Variants in ERC1 observed in about 807,000 individuals in gnomAD.
ERC1 encodes RAB6 interacting protein 2.
In ERC1, 56 loss-of-function variants were observed where a neutral mutation model predicts 132.0. That is an observed-to-expected ratio of 0.42 (90% CI 0.34 to 0.53). The LOEUF (loss-of-function observed/expected upper bound fraction) is 0.53, where lower values mean the gene tolerates loss of function less well. ERC1 is among the 20% of genes least tolerant of loss of function. The probability of loss-of-function intolerance (pLI) is 0.03; values close to 1 mark genes in which losing one functional copy is unlikely to be tolerated. For missense variants in ERC1, 1,202 were observed against 1,349.9 expected, an observed-to-expected ratio of 0.89 and a Z score of 1.72; for synonymous variants, 478 against 476.1, an observed-to-expected ratio of 1.00 and a Z score of -0.05.
At chr12:1,032,417 G>T (rs1968220309) in intron 2 of ERC1, among the ~76,000 whole-genome samples, 1 of 152,068 alleles carries the variant, frequency 6.6e-6, no homozygotes, top group Non-Finnish European at 1.5e-5. Context: ...TGGCACTTTT[G>T]AGCTCAACCA....
rs951135969 is a variant in ERC1 at position 1,027,782 on chromosome 12, C to T, written c.-122C>T. ...AAGATACTTCTTCAAGATTGGACAGCTGGGGACCTTCTTCTGATTAACCTT... is the reference window on the plus strand; with the variant it reads ...AAGATACTTCTTCAAGATTGGACAGTTGGGGACCTTCTTCTGATTAACCTT... On this transcript the variant is annotated 5_prime_UTR_variant, in exon 2 of 19. Coordinates refer to ENST00000360905, the MANE Select transcript of ERC1 (RefSeq NM_178040.4). 2 of 739,158 alleles carry T rather than the reference C, an allele frequency of 2.7e-6. No homozygotes were observed. Among genetic ancestry groups the T allele is most frequent in the African/African-American group, 1.7e-5 (1 of 57,150 alleles). 45.8% of individuals were successfully genotyped at this position (739,158 alleles called of 1,614,324 possible). A position where few individuals can be genotyped will look rare whatever the true frequency, so the allele number is the denominator to read the frequency against.
chr12:1,287,732 T>C (rs1240495583), intron 14 of ERC1, among the ~76,000 whole-genome samples: 1 of 152,180 alleles, frequency 6.6e-6, no homozygotes, highest in East Asian at 1.9e-4. Context: ...TTTTCAAGCC[T>C]TTGGATTTGG....
intron 12 of ERC1, among the ~76,000 whole-genome samples, chr12:1,236,195 G>A (rs138672920): frequency 2.0e-5 from 3 of 152,108 alleles, no homozygotes; most frequent in African/African-American, 7.2e-5. Flanking sequence ...TGAGATATAG[G>A]TTGTTCTTAT....
intron 15 of ERC1, among the ~76,000 whole-genome samples, chr12:1,355,026 G>C (rs939197792): frequency 6.6e-6 from 1 of 152,178 alleles, no homozygotes; most frequent in African/African-American, 2.4e-5. Context: ...AAAGAGAGAA[G>C]GTGGGGTTCC....
At chr12:1,232,860 T>C (rs2075146082) in intron 12 of ERC1, among the ~76,000 whole-genome samples, 1 of 151,972 alleles carries the variant, frequency 6.6e-6, no homozygotes, top group South Asian at 2.1e-4. Flanking sequence ...ACTTCGGTGA[T>C]GTGTTATATA....
At chr12:1,415,330 C>G (rs899240338) in intron 17 of ERC1, among the ~76,000 whole-genome samples, 3 of 152,158 alleles carry the variant, frequency 2.0e-5, no homozygotes, top group Admixed American at 6.5e-5. Context: ...TAAGAACATG[C>G]CACTTACTAC....
At chr12:1,418,604 TTTCTTTCTTTC>T (rs2092254341) in intron 17 of ERC1, among the ~76,000 whole-genome samples, 1 of 57,128 alleles carries the variant, frequency 1.8e-5, no homozygotes, top group Non-Finnish European at 3.7e-5. Flanking sequence ...TCTTTCTTTC[TTTCTTTCTTTC>T]TTTCTTTCTT....
intron 13 of ERC1, among the ~76,000 whole-genome samples, chr12:1,243,282 G>A (rs1428641059): frequency 6.6e-6 from 1 of 152,028 alleles, no homozygotes; most frequent in Non-Finnish European, 1.5e-5. Context: ...AAATACGACA[G>A]CATTTTATAT....
Position 1,189,956 on chromosome 12 carries a change from G to C in ERC1, c.2255G>C (p.Ser752Thr). The C allele has an allele frequency of 6.2e-7, 1 of 1,614,096 alleles. No homozygotes were observed. Among genetic ancestry groups the C allele is most frequent in the South Asian group, 1.1e-5 (1 of 91,072 alleles). ...REITRYKDES[S>T]KAQAEVDRLL... ...ATCACCAGGTACAAAGATGAATCTA[G>C]CAAGGCCCAGGCAGAAGTTGATCGA... The change falls in exon 12 of 19, where the codon AGC (serine) becomes ACC (threonine). Residue 752 changes from serine (S) to threonine (T), a missense_variant. Transcript: ENST00000360905.
intron 15 of ERC1, among the ~76,000 whole-genome samples, chr12:1,319,479 A>C (rs777953361): frequency 3.3e-5 from 5 of 152,154 alleles, no homozygotes; most frequent in Non-Finnish European, 1.5e-5. Context: ...TTTCCTATTT[A>C]TGTACTAAGC....
intron 2 of ERC1, among the ~76,000 whole-genome samples, chr12:1,076,397 C>CTT (rs71293129): frequency 1.5e-3 from 195 of 130,982 alleles, no homozygotes; most frequent in Non-Finnish European, 2.5e-3. Flanking sequence ...TTTTCTTTTT[C>CTT]TTTTTTTTTT....
At chr12:1,124,010 G>A (rs907066286) in intron 7 of ERC1, among the ~76,000 whole-genome samples, 5 of 152,134 alleles carry the variant, frequency 3.3e-5, no homozygotes, top group Admixed American at 6.5e-5. Flanking sequence ...TGTATATATA[G>A]CAGCAATGAG....
intron 14 of ERC1, among the ~76,000 whole-genome samples, chr12:1,282,605 A>G (rs1478937050): frequency 6.6e-6 from 1 of 152,248 alleles, no homozygotes; most frequent in Non-Finnish European, 1.5e-5. Flanking sequence ...TGTAAATTCA[A>G]ATTTTCATTA....
At chr12:1,071,444 GGTTA>G (rs1285833464) in intron 2 of ERC1, among the ~76,000 whole-genome samples, 1 of 151,976 alleles carries the variant, frequency 6.6e-6, no homozygotes. Context: ...TTTGCTTATT[GGTTA>G]GTTAGTTCAA....
chr12:1,407,818 C>A (rs377283372), intron 16 of ERC1, among the ~76,000 whole-genome samples: 1 of 152,064 alleles, frequency 6.6e-6, no homozygotes, highest in South Asian at 2.1e-4. Context: ...CTCTATTTTT[C>A]TCTTCTTCTT....
At chr12:1,041,396 AG>A (rs1484517948) in intron 2 of ERC1, among the ~76,000 whole-genome samples, 2 of 152,226 alleles carry the variant, frequency 1.3e-5, no homozygotes, top group East Asian at 3.9e-4. Context: ...TAGTAGAGAC[AG>A]GGTTTTGCCA....
intron 17 of ERC1, among the ~76,000 whole-genome samples, chr12:1,442,584 A>G (rs1045250251): frequency 1.3e-5 from 2 of 152,206 alleles, no homozygotes; most frequent in African/African-American, 4.8e-5. Flanking sequence ...TGTGTAATAT[A>G]CTGTATAGGC....
chr12:1,487,364 G>A (rs1250088210), intron 18 of ERC1, among the ~76,000 whole-genome samples: 4 of 137,322 alleles, frequency 2.9e-5, no homozygotes, highest in African/African-American at 2.7e-5. Flanking sequence ...ATGGTGCCAA[G>A]CATCTAGATT....
intron 12 of ERC1, among the ~76,000 whole-genome samples, chr12:1,194,489 G>A (rs1181864971): frequency 6.6e-6 from 1 of 152,140 alleles, no homozygotes; most frequent in Non-Finnish European, 1.5e-5. Context: ...GGCTGATACA[G>A]GATTGCTTGC....
Sources: gnomAD v4.1 joint callset for allele counts (sites outside exome capture counted in the v4.1 genomes callset) on GRCh38, gnomAD v4.1.1 for gene constraint, MANE v1.5 for transcripts, NCBI Gene and HGNC (gene_info 2026-07-23, HGNC 2026-07-21) for gene names.